The following ITGBL1 variants were observed in gnomAD, a reference collection of about 807,000 sequenced individuals.
ITGBL1 encodes integrin subunit beta like 1.
A neutral mutation model predicts 68.5 loss-of-function variants in ITGBL1; 51 were observed. The ratio of observed to expected loss-of-function variants is 0.74; its 90% confidence interval spans 0.59 to 0.94. The LOEUF is 0.94. ITGBL1 is among the 40% of genes least tolerant of loss of function. ITGBL1 has a pLI of 0.00. For synonymous variants in ITGBL1, 209 were observed against 227.3 expected, an observed-to-expected ratio of 0.92 and a Z score of 0.72; for missense variants, 649 against 647.4, an observed-to-expected ratio of 1.00 and a Z score of -0.03.
intron 7 of ITGBL1, among the ~76,000 whole-genome samples, chr13:101,639,601 G>A (rs1014691520): frequency 3.2e-4 from 48 of 152,088 alleles, no homozygotes; most frequent in Admixed American, 3.3e-4. Flanking sequence ...ATTTCAATTT[G>A]GGTCTTTAGG....
chr13:101,649,846 C>A (rs1171186823), intron 7 of ITGBL1, among the ~76,000 whole-genome samples: 1 of 152,184 alleles, frequency 6.6e-6, no homozygotes, highest in Non-Finnish European at 1.5e-5. Flanking sequence ...CTCTACCATA[C>A]CCTCTTAGTT....
chr13:101,469,308 T>C (rs955301826), intron 2 of ITGBL1, among the ~76,000 whole-genome samples: 2 of 152,214 alleles, frequency 1.3e-5, no homozygotes, highest in Non-Finnish European at 2.9e-5. Flanking sequence ...TGGGTCATAA[T>C]ATGAAGGCTT....
rs78758978 is a variant in ITGBL1 at position 101,641,093 on chromosome 13, G to A, written c.1015+42794G>A. 1.5e-3 allele frequency among the ~76,000 whole-genome samples: 223 copies of A among 152,228 alleles called. 1 individual carries two copies. Among genetic ancestry groups the A allele is most frequent in the African/African-American group, 5.2e-3 (218 of 41,540 alleles). Reference sequence around the variant, plus strand: ...TGTAATTATTCCTTAGTTGTTTCATGTGTATATATGAGTTATTTTTCTCAA... The same window carrying A: ...TGTAATTATTCCTTAGTTGTTTCATATGTATATATGAGTTATTTTTCTCAA... On this transcript the variant is annotated intron_variant, in intron 7 of 10. Coordinates refer to ENST00000376180, the MANE Select transcript of ITGBL1 (RefSeq NM_004791.3).
At chr13:101,606,112 C>CTCTA (rs1566754854) in intron 7 of ITGBL1, among the ~76,000 whole-genome samples, 27 of 125,310 alleles carry the variant, frequency 2.2e-4, no homozygotes, top group Non-Finnish European at 2.7e-4. Flanking sequence ...CTCTCTCTCT[C>CTCTA]TATATATATA....
rs189055836 is a variant in ITGBL1, at chr13:101,470,477, G to A, written c.316+16377G>A. ...TACTATTTTATAAAGTAGACGTGGT[G>A]TTTGTCTTTAATTCCCCAACTATAT... On this transcript the variant is annotated intron_variant, in intron 2 of 10. Coordinates refer to ENST00000376180, the MANE Select transcript of ITGBL1 (RefSeq NM_004791.3). 1.8e-3 allele frequency among the ~76,000 whole-genome samples: 269 copies of A among 152,146 alleles called. 1 individual carries two copies. Among genetic ancestry groups the A allele is most frequent in the African/African-American group, 6.3e-3 (263 of 41,534 alleles).
chr13:101,624,866 G>A (rs1013124065), intron 7 of ITGBL1, among the ~76,000 whole-genome samples: 1 of 152,164 alleles, frequency 6.6e-6, no homozygotes, highest in African/African-American at 2.4e-5. Context: ...GTAGGGGGTG[G>A]AGAAAGGTAT....
chr13:101,538,376 G>C (rs928682073), intron 2 of ITGBL1, among the ~76,000 whole-genome samples: 4 of 152,046 alleles, frequency 2.6e-5, no homozygotes, highest in African/African-American at 9.7e-5. Context: ...GGGGGGTCTA[G>C]AAAAGTTTCC....
intron 7 of ITGBL1, among the ~76,000 whole-genome samples, chr13:101,629,686 C>A (rs2031909005): frequency 1.3e-5 from 2 of 152,006 alleles, no homozygotes; most frequent in Admixed American, 1.3e-4. Context: ...CTGTTTTAAT[C>A]ATTAATTTTG....
chr13:101,458,094 G>C (rs185186493), intron 2 of ITGBL1, among the ~76,000 whole-genome samples: 1 of 152,170 alleles, frequency 6.6e-6, no homozygotes, highest in African/African-American at 2.4e-5. Flanking sequence ...TGAAGGGAGT[G>C]TAAAGATGAG....
chr13:101,683,643 GCCAAACGGT>G (rs2033692839), intron 7 of ITGBL1, among the ~76,000 whole-genome samples: 1 of 151,874 alleles, frequency 6.6e-6, no homozygotes, highest in Admixed American at 6.6e-5. Context: ...ACTAGATAAT[GCCAAACGGT>G]CCCCAGAATA....
At chr13:101,497,915 A>G (rs541331770) in intron 2 of ITGBL1, among the ~76,000 whole-genome samples, 53 of 152,130 alleles carry the variant, frequency 3.5e-4, no homozygotes, top group Non-Finnish European at 1.5e-4. Context: ...CTTGGATTCA[A>G]AGATGAATGT....
At chr13:101,541,202 G>C (rs2139186033) in intron 2 of ITGBL1, among the ~76,000 whole-genome samples, 1 of 150,184 alleles carries the variant, frequency 6.7e-6, no homozygotes, top group South Asian at 2.1e-4. Context: ...GTCATAGATA[G>C]CTCTTATTAT....
At chr13:101,715,500 T>C (rs1047883663) in intron 10 of ITGBL1, 63 bp from the exon 11 acceptor site, 1 of 1,076,036 alleles carries the variant, frequency 9.3e-7, no homozygotes, top group South Asian at 1.3e-5. Flanking sequence ...TGATTTATAA[T>C]AGCATGTTTA....
rs547609849 is a variant in ITGBL1, at chr13:101,692,580, T to C, written c.1016-5T>C. ...ATAAGTGTGCACTTTCTTTATACTTTCCAGGTAAATGTGAATGTGGCAAAT... is the reference window on the plus strand; with the variant it reads ...ATAAGTGTGCACTTTCTTTATACTTCCCAGGTAAATGTGAATGTGGCAAAT... On this transcript the variant is annotated splice_region_variant and splice_polypyrimidine_tract_variant and intron_variant, in intron 7 of 10. Coordinates refer to ENST00000376180, the MANE Select transcript of ITGBL1 (RefSeq NM_004791.3). The C allele has an allele frequency of 6.3e-7, 1 of 1,598,986 alleles. No individual in the cohort carries two copies. Among genetic ancestry groups the C allele is most frequent in the Non-Finnish European group, 8.6e-7 (1 of 1,166,230 alleles).
intron 7 of ITGBL1, among the ~76,000 whole-genome samples, chr13:101,605,002 A>ACATATACG (rs1436757854): frequency 4.9e-4 from 65 of 131,408 alleles, no homozygotes; most frequent in African/African-American, 1.6e-3. Context: ...ATGTATATAT[A>ACATATACG]CATATATGCG....
intron 2 of ITGBL1, among the ~76,000 whole-genome samples, chr13:101,564,681 C>T (rs1160989260): frequency 1.3e-5 from 2 of 148,992 alleles, no homozygotes; most frequent in Non-Finnish European, 3.0e-5. Flanking sequence ...CCAGGATAAA[C>T]ATACATATAC....
At chr13:101,498,174 C>T (rs1288383729) in intron 2 of ITGBL1, among the ~76,000 whole-genome samples, 2 of 151,792 alleles carry the variant, frequency 1.3e-5, no homozygotes, top group African/African-American at 2.4e-5. Context: ...GTTCTGTATC[C>T]GAGACCTCAT....
At chr13:101,482,337 G>GTT (rs56675220) in intron 2 of ITGBL1, among the ~76,000 whole-genome samples, 50 of 148,836 alleles carry the variant, frequency 3.4e-4, no homozygotes, top group Middle Eastern at 6.9e-3. Flanking sequence ...CTGAGTATAG[G>GTT]TTTTTTTTTT....
chr13:101,528,752 G>T (rs1792714492), intron 2 of ITGBL1, among the ~76,000 whole-genome samples: 1 of 151,810 alleles, frequency 6.6e-6, no homozygotes, highest in African/African-American at 2.4e-5. Flanking sequence ...GCTTTGTAAA[G>T]GTAAACAAGG....
Sources: allele counts gnomAD v4.1 joint callset (sites outside exome capture counted in the v4.1 genomes callset), GRCh38; gene constraint gnomAD v4.1.1; transcripts MANE v1.5; gene names NCBI Gene and HGNC (gene_info 2026-07-23, HGNC 2026-07-21).